The following BRWD1 variants were observed in gnomAD, a reference collection of about 807,000 sequenced individuals.
BRWD1 encodes bromodomain and WD repeat-containing protein 1.
In BRWD1, 82 loss-of-function variants were observed where a neutral mutation model predicts 251.2. The observed-to-expected ratio is 0.33, with a 90% confidence interval of 0.27 to 0.39. BRWD1 has a LOEUF of 0.39. Among genes scored for constraint, BRWD1 ranks in the 10% least tolerant of loss-of-function variants. The pLI is 1.00. For synonymous variants in BRWD1, 918 were observed against 902.8 expected (o/e 1.02, Z -0.30); for missense variants, 2,233 against 2,711.6 (o/e 0.82, Z 3.92).
chr21:39,272,056 T>C (rs927878186), intron 13 of BRWD1, among the ~76,000 whole-genome samples: 1 of 145,442 alleles, frequency 6.9e-6, no homozygotes, highest in African/African-American at 2.5e-5. Context: ...AAAACAGCTA[T>C]CTATGTAATT....
chr21:39,312,471 A>C, intron 4 of BRWD1: 1 of 183,062 alleles, frequency 5.5e-6, no homozygotes, highest in Non-Finnish European at 1.2e-5. Context: ...AGCGAGGCCA[A>C]TCAGAGCGCG....
chr21:39,276,467 A>C (rs190882743), intron 11 of BRWD1, among the ~76,000 whole-genome samples: 130 of 152,368 alleles, frequency 8.5e-4, no homozygotes, highest in Admixed American at 2.2e-3. Context: ...TCTAAACTTA[A>C]AGCAGTATTT....
Position 39,238,552 on chromosome 21 carries a change from C to T in BRWD1, c.2503G>A (p.Glu835Lys). The change falls in exon 22 of 41, where the codon GAA (glutamate) becomes AAA (lysine). Residue 835 changes from glutamate (E) to lysine (K), a missense_variant. By Grantham distance (56) the Glu-to-Lys change is moderately conservative (BLOSUM62 1). This residue lies in a region of BRWD1 where 214 missense variants were observed against 222.0 expected (regional missense o/e 0.96). Transcript: ENST00000342449. The part of the protein sequence containing the change: ...VRHETSCDQS[E>K]GSGSSEEDEW... ...TCCTCTTCTGAAGAACCAGAACCTTCACTCTGATCACAGGAAGTCTCCTAA... is the reference window on the plus strand; with the variant it reads ...TCCTCTTCTGAAGAACCAGAACCTTTACTCTGATCACAGGAAGTCTCCTAA... The T allele has an allele frequency of 6.2e-7, 1 of 1,613,564 alleles. No homozygotes were observed. Among genetic ancestry groups the T allele is most frequent in the Non-Finnish European group, 8.5e-7 (1 of 1,179,658 alleles).
chr21:39,313,989 C>T (rs927031296), upstream of BRWD1: 2 of 422,450 alleles, frequency 4.7e-6, no homozygotes, highest in Admixed American at 2.6e-5. Context: ...TTCACCGCCG[C>T]CCCCCGTGGG....
At chr21:39,300,244 G>T (rs189503958) in intron 4 of BRWD1, among the ~76,000 whole-genome samples, 3 of 152,180 alleles carry the variant, frequency 2.0e-5, no homozygotes, top group Admixed American at 6.5e-5. Flanking sequence ...AGCCCTGGAA[G>T]AAATGCACTG....
chr21:39,243,614 T>A (rs2146588514), intron 21 of BRWD1, among the ~76,000 whole-genome samples: 1 of 152,252 alleles, frequency 6.6e-6, no homozygotes, highest in South Asian at 2.1e-4. Flanking sequence ...CAGCTAATTT[T>A]TTTTTTCTCA....
intron 1 of BRWD1, 40 bp from the exon 2 acceptor site, chr21:39,313,339 A>C: frequency 1.4e-6 from 2 of 1,441,854 alleles, no homozygotes; most frequent in Non-Finnish European, 9.3e-7. Context: ...CCCGGCGGGG[A>C]GGGGAGGGGG....
At chr21:39,246,631 G>C (rs2034198910) in intron 21 of BRWD1, among the ~76,000 whole-genome samples, 1 of 152,102 alleles carries the variant, frequency 6.6e-6, no homozygotes, top group African/African-American at 2.4e-5. Flanking sequence ...CTGATAAATG[G>C]ATAAACAAAA....
rs1318223523 is a variant in BRWD1 at position 39,190,108 on chromosome 21, GAT to G, written c.*6149_*6150del. 1 of 984,680 alleles carries G rather than the reference GAT, an allele frequency of 1.0e-6. No homozygotes were observed. Among genetic ancestry groups the G allele is most frequent in the Non-Finnish European group, 1.2e-6 (1 of 829,426 alleles). 61.0% of individuals were successfully genotyped at this position (984,680 alleles called of 1,614,324 possible). A position where few individuals can be genotyped will look rare whatever the true frequency, so the allele number is the denominator to read the frequency against. On this transcript the variant is annotated 3_prime_UTR_variant, in exon 41 of 41. Coordinates refer to ENST00000342449, the MANE Select transcript of BRWD1 (RefSeq NM_033656.4). The stretch of plus-strand genomic sequence containing the variant: ...TGACCACTTTAAATTATAACTCACA[GAT>G]ATGTGTGTATTCTAAGATGGTATAT...
intron 20 of BRWD1, among the ~76,000 whole-genome samples, chr21:39,248,894 A>G (rs142481407): frequency 7.7e-4 from 117 of 152,310 alleles, no homozygotes; most frequent in Non-Finnish European, 1.2e-3. Flanking sequence ...TCATTCTACC[A>G]TAACGACATA....
At chr21:39,270,501 A>G in intron 13 of BRWD1, 68 bp from the exon 14 acceptor site, 2 of 1,307,108 alleles carry the variant, frequency 1.5e-6, no homozygotes, top group Non-Finnish European at 2.1e-6. Context: ...ACAATCTCTC[A>G]TCAATACAAA....
intron 37 of BRWD1, among the ~76,000 whole-genome samples, chr21:39,203,434 G>GTTTCTTTTTT (rs2032210759): frequency 1.6e-5 from 1 of 64,296 alleles, no homozygotes; most frequent in Admixed American, 1.7e-4. Context: ...GCAAGACCCT[G>GTTTCTTTTTT]GTTCTTTTTT....
intron 17 of BRWD1, among the ~76,000 whole-genome samples, chr21:39,261,563 T>TA (rs531126915): frequency 6.8e-4 from 104 of 152,182 alleles, no homozygotes; most frequent in African/African-American, 2.3e-3. Context: ...GTCAACACTG[T>TA]AAAAAAATAA....
In BRWD1 at chr21:39,187,354, T is replaced by A; in HGVS notation, c.*8905A>T. On this transcript the variant is annotated 3_prime_UTR_variant, in exon 41 of 41. Transcript: ENST00000342449. ...AGTTTCACTAGGCATCTGCACTGCATCCTTCTGATTATGCATACATGTTCT... is the reference window on the plus strand; with the variant it reads ...AGTTTCACTAGGCATCTGCACTGCAACCTTCTGATTATGCATACATGTTCT... The A allele has an allele frequency of 6.2e-7, 1 of 1,612,986 alleles. No homozygotes were observed. The highest frequency in any genetic ancestry group is 1.7e-4 in the Middle Eastern group (1 of 6,054).
intron 17 of BRWD1, among the ~76,000 whole-genome samples, chr21:39,259,546 C>A (rs1012530321): frequency 6.6e-6 from 1 of 152,274 alleles, no homozygotes; most frequent in Non-Finnish European, 1.5e-5. Context: ...GATCCACCCA[C>A]CTCGACCTCC....
upstream of BRWD1, chr21:39,313,798 A>G (rs1168873457): frequency 1.1e-5 from 4 of 368,594 alleles, no homozygotes. Context: ...ATGAGGAGAA[A>G]GTGACGCGGA....
At chr21:39,229,124 A>G (rs2033503955) in intron 26 of BRWD1, among the ~76,000 whole-genome samples, 188 bp downstream of exon 26, 1 of 152,216 alleles carries the variant, frequency 6.6e-6, no homozygotes, top group East Asian at 1.9e-4. Context: ...TATAACTGTG[A>G]CATGCCTACT....
At chr21:39,312,776 G>T in intron 4 of BRWD1, 65 bp downstream of exon 4, 1 of 1,399,464 alleles carries the variant, frequency 7.1e-7, no homozygotes, top group Non-Finnish European at 9.8e-7. Flanking sequence ...TCCCCGCGAG[G>T]GGAAGGGGCG....
At chr21:39,271,835 TCCAGACCAA>T in intron 13 of BRWD1, among the ~76,000 whole-genome samples, 1 of 151,500 alleles carries the variant, frequency 6.6e-6, no homozygotes, top group African/African-American at 2.4e-5. Context: ...GGTCAGGAGT[TCCAGACCAA>T]CCTGGCCAAC....
Sources: allele counts gnomAD v4.1 joint callset (sites outside exome capture counted in the v4.1 genomes callset), GRCh38; gene constraint gnomAD v4.1.1; regional missense constraint gnomAD v4.1.1; transcripts MANE v1.5; gene names NCBI Gene and HGNC (gene_info 2026-07-23, HGNC 2026-07-21).